Variants in SHC3 observed in about 807,000 individuals in gnomAD.
SHC3 encodes SHC adaptor protein 3.
Under a neutral mutation model 60.4 loss-of-function variants are expected in SHC3, and 15 were observed. The ratio of observed to expected loss-of-function variants is 0.25; its 90% CI spans 0.17 to 0.38. SHC3 has a LOEUF of 0.38. Among genes scored for constraint, SHC3 ranks in the 10% least tolerant of loss-of-function variants. The pLI is 1.00. For missense variants in SHC3, 677 were observed against 786.1 expected, an observed-to-expected ratio of 0.86 and a Z score of 1.66; for synonymous variants, 294 against 325.9, an observed-to-expected ratio of 0.90 and a Z score of 1.05.
rs747015042 is a variant in SHC3, at chr9:89,065,523, G to A, written c.835+6C>T. 19 of 1,613,944 alleles carry A rather than the reference G, an allele frequency of 1.2e-5. No homozygotes were observed. The highest frequency in any genetic ancestry group is 8.9e-5 in the East Asian group (4 of 44,898). ...CAAGAGATTAAAGGGGTCAAGCACCGCTTACCTCTGCGATTAACAGGGTCC... is the reference window on the plus strand; with the variant it reads ...CAAGAGATTAAAGGGGTCAAGCACCACTTACCTCTGCGATTAACAGGGTCC... On this transcript the variant is annotated splice_donor_region_variant and intron_variant, in intron 6 of 11. Transcript: ENST00000375835.
intron 2 of SHC3, among the ~76,000 whole-genome samples, chr9:89,107,001 G>A (rs1476850109): frequency 6.6e-6 from 1 of 152,088 alleles, no homozygotes; most frequent in East Asian, 1.9e-4. Context: ...CCAGCCTAAT[G>A]GGTTCAGACT....
intron 6 of SHC3, among the ~76,000 whole-genome samples, chr9:89,054,077 A>T (rs1329392064): frequency 1.3e-5 from 2 of 152,178 alleles, no homozygotes; most frequent in African/African-American, 2.4e-5. Flanking sequence ...CTTTAAGATG[A>T]AGAACGAAGA....
rs1824871990 is a variant in SHC3 at position 89,052,144 on chromosome 9, G to A, written c.855C>T (p.Cys285=). The A allele has an allele frequency of 3.1e-6, 5 of 1,613,930 alleles. No homozygotes were observed. The highest frequency in any genetic ancestry group is 4.2e-6 in the Non-Finnish European group (5 of 1,179,840). The change falls in exon 7 of 12, where the codon TGC becomes TGT. Residue 285 remains cysteine (C), a synonymous_variant. Transcript: ENST00000375835. ...TGACATCCTGGGCCAGCCCATCACA[G>A]CATTCCAAAATGTGACAAGCTGGGA... The part of the protein sequence containing the change: ...VNRRACHILE[C]CDGLAQDVIG...
intron 1 of SHC3, among the ~76,000 whole-genome samples, chr9:89,177,620 C>T (rs1478616869): frequency 6.6e-6 from 1 of 152,188 alleles, no homozygotes; most frequent in African/African-American, 2.4e-5. Flanking sequence ...CAGCTCTCCC[C>T]AGCGCGTTTC....
At chr9:89,030,622 T>A (rs1824471414) in intron 11 of SHC3, among the ~76,000 whole-genome samples, 1 of 152,182 alleles carries the variant, frequency 6.6e-6, no homozygotes. Context: ...GATACAACAG[T>A]TAAAAACACA....
intron 1 of SHC3, among the ~76,000 whole-genome samples, chr9:89,162,596 G>A (rs1368689034): frequency 1.3e-5 from 2 of 151,986 alleles, no homozygotes; most frequent in African/African-American, 4.8e-5. Flanking sequence ...ATCAATTCAA[G>A]ATGGATTAAA....
chr9:89,036,571 G>C (rs1824582076), intron 11 of SHC3, among the ~76,000 whole-genome samples: 1 of 152,162 alleles, frequency 6.6e-6, no homozygotes, highest in South Asian at 2.1e-4. Context: ...TCTCAAGAGA[G>C]CTCAGTAAGT....
At chr9:89,064,219 T>C (rs117885524) in intron 6 of SHC3, among the ~76,000 whole-genome samples, 2 of 152,298 alleles carry the variant, frequency 1.3e-5, no homozygotes, top group East Asian at 3.9e-4. Context: ...TATTTTAACA[T>C]ATAAATTTGG....
At chr9:89,144,515 A>G (rs1233745863) in intron 1 of SHC3, among the ~76,000 whole-genome samples, 1 of 152,186 alleles carries the variant, frequency 6.6e-6, no homozygotes, top group Non-Finnish European at 1.5e-5. Context: ...TCTGAGCTTC[A>G]GGTTTCACTG....
chr9:89,038,353 A>T, intron 10 of SHC3, 65 bp from the exon 11 acceptor site: 1 of 1,468,014 alleles, frequency 6.8e-7, no homozygotes, highest in Non-Finnish European at 9.1e-7. Context: ...AAAAAAAAAA[A>T]AAAAAAAATA....
chr9:89,049,226 A>C (rs999033377), intron 7 of SHC3, among the ~76,000 whole-genome samples: 7 of 152,182 alleles, frequency 4.6e-5, no homozygotes, highest in Admixed American at 1.3e-4. Context: ...GCGCCACTGC[A>C]CTCCAGCCTG....
At chr9:89,152,477 T>C (rs964533350) in intron 1 of SHC3, among the ~76,000 whole-genome samples, 8 of 152,234 alleles carry the variant, frequency 5.3e-5, no homozygotes, top group Admixed American at 1.3e-4. Context: ...GGGTCCACCA[T>C]AGACATCCTC....
intron 7 of SHC3, 25 bp from the exon 8 acceptor site, chr9:89,047,019 C>T: frequency 6.6e-7 from 1 of 1,519,916 alleles, no homozygotes; most frequent in Non-Finnish European, 8.8e-7. Context: ...TTTCCAAGGG[C>T]TTTAGCCAAA....
At chr9:89,137,884 G>T (rs560036947) in intron 1 of SHC3, among the ~76,000 whole-genome samples, 1 of 152,296 alleles carries the variant, frequency 6.6e-6, no homozygotes, top group South Asian at 2.1e-4. Context: ...CATAAGAAAA[G>T]AACGATAACA....
intron 2 of SHC3, among the ~76,000 whole-genome samples, chr9:89,098,300 GA>G (rs1049342077): frequency 7.2e-5 from 11 of 151,884 alleles, no homozygotes; most frequent in African/African-American, 1.9e-4. Context: ...GGAATGAGGG[GA>G]AAAAAAACCA....
At chr9:89,091,909 A>G (rs1825627020) in intron 2 of SHC3, among the ~76,000 whole-genome samples, 1 of 152,026 alleles carries the variant, frequency 6.6e-6, no homozygotes, top group African/African-American at 2.4e-5. Flanking sequence ...CCACAAATTG[A>G]TAAGAAAGTA....
intron 10 of SHC3, among the ~76,000 whole-genome samples, chr9:89,040,304 G>C (rs866095797): frequency 2.6e-5 from 1 of 38,484 alleles, no homozygotes; most frequent in Non-Finnish European, 5.5e-5. Flanking sequence ...CATCAGCACC[G>C]CTATATTTAG....
At chr9:89,127,297 C>A (rs118122635) in intron 1 of SHC3, among the ~76,000 whole-genome samples, 1 of 152,136 alleles carries the variant, frequency 6.6e-6, no homozygotes, top group East Asian at 1.9e-4. Flanking sequence ...GGGAGGTTAC[C>A]TTTGGTACAG....
chr9:89,117,675 TGA>T (rs983960795), intron 1 of SHC3, among the ~76,000 whole-genome samples: 2 of 152,220 alleles, frequency 1.3e-5, no homozygotes, highest in Non-Finnish European at 2.9e-5. Context: ...AGATGGCTTC[TGA>T]GAGTCTTGTT....
Sources: allele counts gnomAD v4.1 joint callset (sites outside exome capture counted in the v4.1 genomes callset), GRCh38; gene constraint gnomAD v4.1.1; transcripts MANE v1.5; gene names NCBI Gene and HGNC (gene_info 2026-07-23, HGNC 2026-07-21).